SHOC1: variants seen among roughly 807,000 people sequenced by gnomAD.
SHOC1 encodes protein shortage in chiasmata 1 ortholog.
Under a neutral mutation model 179.2 loss-of-function variants are expected in SHOC1, and 136 were observed. The ratio of observed to expected loss-of-function variants is 0.76; its 90% CI spans 0.66 to 0.87. SHOC1 has a LOEUF of 0.87. Among genes scored for constraint, SHOC1 ranks in the 40% least tolerant of loss-of-function variants. The probability of loss-of-function intolerance (pLI) is 0.00; values close to 1 mark genes in which losing one functional copy is unlikely to be tolerated. For missense variants in SHOC1, 1,538 were observed against 1,700.8 expected, an observed-to-expected ratio of 0.90 and a Z score of 1.68; for synonymous variants, 489 against 586.6, an observed-to-expected ratio of 0.83 and a Z score of 2.41.
At chr9:111,769,671 T>C (rs1269426657) in intron 5 of SHOC1, among the ~76,000 whole-genome samples, 1 of 152,090 alleles carries the variant, frequency 6.6e-6, no homozygotes, top group African/African-American at 2.4e-5. Context: ...GGTTTCACCA[T>C]GTTGCCCAGG....
chr9:111,750,943 C>T (rs1834550575), intron 8 of SHOC1, among the ~76,000 whole-genome samples: 1 of 152,106 alleles, frequency 6.6e-6, no homozygotes, highest in Non-Finnish European at 1.5e-5. Context: ...AATGGTATTG[C>T]CTAGATTTTT....
At chr9:111,704,761 G>T (rs185771287) in intron 21 of SHOC1, among the ~76,000 whole-genome samples, 97 of 152,232 alleles carry the variant, frequency 6.4e-4, no homozygotes, top group African/African-American at 2.3e-3. Context: ...TATGACCTTA[G>T]ATCTAAAGAT....
chr9:111,727,600 A>G, intron 13 of SHOC1, 33 bp downstream of exon 13: 9 of 1,522,178 alleles, frequency 5.9e-6, no homozygotes, highest in Non-Finnish European at 7.9e-6. Flanking sequence ...TGAGCCTACC[A>G]TATCTACGGC....
At chr9:111,791,776 T>C (rs1440895630) in intron 1 of SHOC1, among the ~76,000 whole-genome samples, 1 of 150,394 alleles carries the variant, frequency 6.6e-6, no homozygotes, top group Non-Finnish European at 1.5e-5. Context: ...CAAGTGGTCT[T>C]GAGAATAACC....
chr9:111,696,416 C>T (rs1831693706), intron 24 of SHOC1, among the ~76,000 whole-genome samples: 1 of 152,104 alleles, frequency 6.6e-6, no homozygotes, highest in Non-Finnish European at 1.5e-5. Context: ...TTTAATACAA[C>T]AATGTCATCA....
At chr9:111,773,531 C>T (rs776611882) in intron 5 of SHOC1, among the ~76,000 whole-genome samples, 4 of 151,998 alleles carry the variant, frequency 2.6e-5, no homozygotes, top group Admixed American at 6.6e-5. Context: ...AGGCTGGTTT[C>T]GAACGCCTGA....
intron 7 of SHOC1, among the ~76,000 whole-genome samples, chr9:111,756,986 T>C (rs1834890299): frequency 6.6e-6 from 1 of 152,222 alleles, no homozygotes; most frequent in African/African-American, 2.4e-5. Context: ...GAATGGGGCC[T>C]ATTGGTGAAT....
chr9:111,780,691 T>C (rs931940607), intron 4 of SHOC1, among the ~76,000 whole-genome samples: 11 of 152,182 alleles, frequency 7.2e-5, no homozygotes, highest in Non-Finnish European at 8.8e-5. Flanking sequence ...TTATAGCTAC[T>C]TTCTACAGAA....
At position 111,714,504 on chromosome 9, in the gene SHOC1, T is replaced by C; in HGVS notation, c.2356A>G (p.Lys786Glu). The change falls in exon 17 of 28, where the codon AAG becomes GAG. Residue 786 changes from lysine (K) to glutamate (E), a missense_variant. By Grantham distance (56) the Lys-to-Glu change is moderately conservative. Transcript: ENST00000682961. ...IRGKKPETNY[K>E]IQELQCQILS... ...ATCTGACATTGCAATTCTTGTATCT[T>C]GTAGTTGGTTTCAGGCTTTTTCCCC... 1 of 1,614,028 alleles carries C rather than the reference T, an allele frequency of 6.2e-7. No individual in the cohort carries two copies. The highest frequency in any genetic ancestry group is 8.5e-7 in the Non-Finnish European group (1 of 1,179,942).
chr9:111,777,436 C>T (rs1835878067), intron 4 of SHOC1, among the ~76,000 whole-genome samples: 1 of 145,548 alleles, frequency 6.9e-6, no homozygotes, highest in Non-Finnish European at 1.6e-5. Flanking sequence ...GTTCAGCCTA[C>T]ACCCAGGAAT....
intron 26 of SHOC1, among the ~76,000 whole-genome samples, 168 bp downstream of exon 26, chr9:111,693,631 A>G (rs930714130): frequency 1.3e-5 from 2 of 152,034 alleles, no homozygotes; most frequent in Non-Finnish European, 2.9e-5. Flanking sequence ...ATTGATAGCT[A>G]ATGAAACGTC....
Position 111,692,064 on chromosome 9 carries a change from C to T in SHOC1, c.3913G>A (p.Glu1305Lys). The change falls in exon 27 of 28, where the codon GAA becomes AAA. Residue 1305 changes from glutamate (E) to lysine (K), a missense_variant. Glu to Lys is a moderately conservative substitution (Grantham distance 56). Coordinates refer to ENST00000682961, the MANE Select transcript of SHOC1 (RefSeq NM_001378211.1). Reference sequence around the variant, plus strand: ...GTGTCAGTTGGTGATTTTATAGTTTCACAGTTCATTTGTGTTAGACCCAAA... The same window carrying T: ...GTGTCAGTTGGTGATTTTATAGTTTTACAGTTCATTTGTGTTAGACCCAAA... ...FSLGLTQMNCETIKSPTDTQK... is the reference protein window; with the variant it reads ...FSLGLTQMNCKTIKSPTDTQK... 6.2e-7 allele frequency: 1 copy of T among 1,613,852 alleles called. No individual in the cohort carries two copies. Among genetic ancestry groups the T allele is most frequent in the Non-Finnish European group, 8.5e-7 (1 of 1,179,880 alleles).
intron 5 of SHOC1, among the ~76,000 whole-genome samples, chr9:111,773,232 C>T (rs1195854499): frequency 6.6e-6 from 1 of 152,180 alleles, no homozygotes; most frequent in Non-Finnish European, 1.5e-5. Flanking sequence ...AGTCAGATTA[C>T]TGCTTTTTAT....
chr9:111,686,613 G>T lies in SHOC1; in HGVS notation c.*157C>A. The T allele has an allele frequency of 1.8e-6, 1 of 541,468 alleles. No individual in the cohort carries two copies. The highest frequency in any genetic ancestry group is 3.3e-6 in the Non-Finnish European group (1 of 301,900). The allele number at this position is 541,468 out of a possible 1,614,324, so 33.5% of individuals were successfully genotyped here. ...TTAACTTACAAAGATGCAAACCATA[G>T]GGCAGAATACATATTATGAATATTT... On this transcript the variant is annotated 3_prime_UTR_variant, in exon 28 of 28. Coordinates refer to ENST00000682961, the MANE Select transcript of SHOC1 (RefSeq NM_001378211.1).
intron 1 of SHOC1, among the ~76,000 whole-genome samples, chr9:111,793,578 G>A (rs1055298619): frequency 6.6e-6 from 1 of 151,912 alleles, no homozygotes; most frequent in African/African-American, 2.4e-5. Context: ...ACGATACATT[G>A]CTCTTATTTC....
intron 15 of SHOC1, among the ~76,000 whole-genome samples, chr9:111,719,634 A>C (rs1300367393): frequency 6.6e-6 from 1 of 152,104 alleles, no homozygotes; most frequent in Non-Finnish European, 1.5e-5. Context: ...ATCCAGTATA[A>C]TCATTACCAG....
intron 19 of SHOC1, 26 bp from the exon 20 acceptor site, chr9:111,706,772 A>G: frequency 6.6e-7 from 1 of 1,504,360 alleles, no homozygotes; most frequent in Non-Finnish European, 9.0e-7. Context: ...AGCCAAGAAA[A>G]TGGCATTATA....
At chr9:111,792,714 C>T in intron 1 of SHOC1, among the ~76,000 whole-genome samples, 1 of 152,166 alleles carries the variant, frequency 6.6e-6, no homozygotes, top group Admixed American at 6.5e-5. Context: ...AATATGTTAT[C>T]TGAATTGTCT....
intron 27 of SHOC1, among the ~76,000 whole-genome samples, chr9:111,687,266 C>T (rs923765488): frequency 1.3e-5 from 2 of 152,062 alleles, no homozygotes; most frequent in African/African-American, 4.8e-5. Flanking sequence ...GGTATGTTTT[C>T]CTCACTATTC....
Sources: allele counts gnomAD v4.1 joint callset (sites outside exome capture counted in the v4.1 genomes callset), GRCh38; gene constraint gnomAD v4.1.1; transcripts MANE v1.5; gene names NCBI Gene and HGNC (gene_info 2026-07-23, HGNC 2026-07-21).